Variants in NRXN2 observed in about 807,000 individuals in gnomAD.
The protein encoded by NRXN2 is neurexin 2.
A neutral mutation model predicts 128.8 loss-of-function variants in NRXN2; 29 were observed. The ratio of observed to expected loss-of-function variants is 0.23; its 90% CI spans 0.17 to 0.31. The LOEUF (loss-of-function observed/expected upper bound fraction) is 0.31. NRXN2 is among the 10% of genes least tolerant of loss of function. The pLI is 1.00. For synonymous variants in NRXN2, 1,098 were observed against 1,075.2 expected, an observed-to-expected ratio of 1.02 and a Z score of -0.41; for missense variants, 1,881 against 2,452.6, an observed-to-expected ratio of 0.77 and a Z score of 4.92.
intron 3 of NRXN2, among the ~76,000 whole-genome samples, chr11:64,694,928 C>A (rs1208208909): frequency 3.9e-5 from 6 of 152,112 alleles, no homozygotes; most frequent in African/African-American, 1.4e-4. Flanking sequence ...CTGGAGGAAG[C>A]CACATCTCCC....
chr11:64,672,902 T>C (rs1364907182), intron 7 of NRXN2, among the ~76,000 whole-genome samples: 1 of 152,148 alleles, frequency 6.6e-6, no homozygotes, highest in Admixed American at 6.5e-5. Flanking sequence ...ATTTGATAGT[T>C]TGGGAATAGA....
At chr11:64,650,134 T>A (rs193098583) in intron 15 of NRXN2, among the ~76,000 whole-genome samples, 4 of 152,146 alleles carry the variant, frequency 2.6e-5, no homozygotes, top group African/African-American at 9.6e-5. Context: ...CAACATAGGC[T>A]TCTCAACCTT....
Position 64,660,231 on chromosome 11 carries a change from A to G in NRXN2, c.2389+101T>C. On this transcript the variant is annotated intron_variant, in intron 11 of 22. Coordinates refer to ENST00000265459, the MANE Select transcript of NRXN2 (RefSeq NM_015080.4). This position sits in a 1 kb window ranked among gnomAD's most constrained non-coding sequence, Gnocchi z 5.2. ...CCCACCTCCAAACTCTGCTGAGGGC[A>G]CCTCTTGCTGGTGCCACCACCAGCT... 2 of 1,333,464 alleles carry G rather than the reference A, an allele frequency of 1.5e-6. No individual in the cohort carries two copies. Among genetic ancestry groups the G allele is most frequent in the Non-Finnish European group, 2.2e-6 (2 of 928,930 alleles). 82.6% of individuals were successfully genotyped at this position (1,333,464 alleles called of 1,614,324 possible). A position where few individuals can be genotyped will look rare whatever the true frequency, so the allele number is the denominator to read the frequency against.
chr11:64,608,057 G>A lies in NRXN2; in HGVS notation c.4278C>T (p.Ile1426=). 1 of 1,583,744 alleles carries A rather than the reference G, an allele frequency of 6.3e-7. No individual in the cohort carries two copies. The change falls in exon 23 of 23, where the codon ATC becomes ATT. Residue 1426 remains isoleucine (I), a synonymous_variant. Coordinates refer to ENST00000265459, the MANE Select transcript of NRXN2 (RefSeq NM_015080.4). ...GAGGGGGGTCTAAGGAGTCCTCCGT[G>A]ATAATGGGCAATATTAACTCTCCTC... ...STGGELILPI[I]TEDSLDPPPV... is the part of the protein sequence containing the mutation.
rs568699443 is a variant in NRXN2, at chr11:64,660,235, C to T, written c.2389+97G>A. 1,084 of 1,391,838 alleles carry T rather than the reference C, an allele frequency of 7.8e-4. 2 individuals carry two copies. The highest frequency in any genetic ancestry group is 1.1e-3 in the Non-Finnish European group (1,058 of 981,338). 86.2% of individuals were successfully genotyped at this position (1,391,838 alleles called of 1,614,324 possible). A position where few individuals can be genotyped will look rare whatever the true frequency, so the allele number is the denominator to read the frequency against. On this transcript the variant is annotated intron_variant, in intron 11 of 22. Transcript: ENST00000265459. This position sits in a 1 kb window ranked among gnomAD's most constrained non-coding sequence, Gnocchi z 5.2. ...CCTCCAAACTCTGCTGAGGGCACCT[C>T]TTGCTGGTGCCACCACCAGCTTCTC... is the stretch of plus-strand genomic sequence containing the variant.
intron 17 of NRXN2, chr11:64,642,729 A>AGGC: frequency 7.0e-7 from 1 of 1,430,342 alleles, no homozygotes; most frequent in Non-Finnish European, 9.2e-7. Context: ...GCGGCGGTGG[A>AGGC]GGCGGCGGCA....
chr11:64,685,675 C>G lies in NRXN2; in HGVS notation c.1123G>C (p.Asp375His), dbSNP rs751415381. 6.2e-7 allele frequency: 1 copy of G among 1,614,220 alleles called. No individual in the cohort carries two copies. The highest frequency in any genetic ancestry group is 1.1e-5 in the South Asian group (1 of 91,072). Residue 375 changes from aspartate to histidine, a missense_variant, in exon 6 of 23, where the codon GAC becomes CAC. Transcript: ENST00000265459. ...NGKFNDNAWH[D>H]VRVTRNLRQH... The stretch of plus-strand genomic sequence containing the variant: ...CGCAGGTTTCGGGTGACCCGGACGT[C>G]GTGCCAGGCGTTGTCGTTGAACTTG...
At chr11:64,718,609 G>C (rs1019969426) in intron 1 of NRXN2, among the ~76,000 whole-genome samples, 23 of 152,212 alleles carry the variant, frequency 1.5e-4, no homozygotes, top group Non-Finnish European at 2.9e-4. Context: ...CGTCTGTGGG[G>C]GTGTTCGAGG....
At chr11:64,717,721 C>T (rs61884449) in intron 1 of NRXN2, among the ~76,000 whole-genome samples, 23,537 of 152,248 alleles carry the variant, frequency 0.15, 1,912 homozygotes, top group South Asian at 0.19. Flanking sequence ...ACCCCATGTG[C>T]GCTGTCTTAG....
chr11:64,706,077 T>A lies in NRXN2; in HGVS notation c.730+6893A>T, dbSNP rs866259491. On this transcript the variant is annotated intron_variant, in intron 2 of 22. Coordinates refer to ENST00000265459, the MANE Select transcript of NRXN2 (RefSeq NM_015080.4). ...AGTACAGCACTTTTATATATATATA[T>A]AATATATATAATATATATTATATAT... 3.5e-4 allele frequency among the ~76,000 whole-genome samples: 20 copies of A among 57,406 alleles called. No individual in the cohort carries two copies. The South Asian group carries it at 4.4e-3, about 12-fold the overall frequency. 37.7% of individuals were successfully genotyped at this position (57,406 alleles called of 152,430 possible).
rs1426261124 is a variant in NRXN2 at position 64,630,358 on chromosome 11, C to G, written c.3757+44G>C. 7.6e-6 allele frequency: 12 copies of G among 1,580,358 alleles called. No individual in the cohort carries two copies. The Admixed American group carries it at 2.1e-4, about 27-fold the overall frequency. On this transcript the variant is annotated intron_variant, in intron 19 of 22. Transcript: ENST00000265459. This position sits in a 1 kb window ranked among gnomAD's most constrained non-coding sequence, Gnocchi z 4.6. ...GCCGCACTCCTATCAGAGGCCGCCACCCGCCCCGCCACCGCGCCTCCTCCG... is the reference window on the plus strand; with the variant it reads ...GCCGCACTCCTATCAGAGGCCGCCAGCCGCCCCGCCACCGCGCCTCCTCCG...
Position 64,652,031 on chromosome 11 carries a change from C to T in NRXN2, c.2536+4G>A. The stretch of plus-strand genomic sequence containing the variant: ...GTCCACCTCCCTGGGCCCAGACCAC[C>T]TACCCTCCACAGTCACGTTGTCCAC... On this transcript the variant is annotated splice_donor_region_variant and intron_variant, in intron 13 of 22. Coordinates refer to ENST00000265459, the MANE Select transcript of NRXN2 (RefSeq NM_015080.4). 1 of 1,611,442 alleles carries T rather than the reference C, an allele frequency of 6.2e-7. No individual in the cohort carries two copies. The highest frequency in any genetic ancestry group is 8.5e-7 in the Non-Finnish European group (1 of 1,179,962).
chr11:64,688,320 G>A lies in NRXN2; in HGVS notation c.850+2085C>T, dbSNP rs1459728786. On this transcript the variant is annotated intron_variant, in intron 5 of 22. Transcript: ENST00000265459. ...CGGAGACCTGGGTCAGCCCAGAGAC[G>A]CCAAGAGGCCTGAGGAGCAGCCAAA... 3.0e-6 allele frequency: 3 copies of A among 985,290 alleles called. No individual in the cohort carries two copies. In the African/African-American group the frequency reaches 5.2e-5, roughly 17 times the overall value. The allele number at this position is 985,290 out of a possible 1,614,324, so 61.0% of individuals were successfully genotyped here. A position where few individuals can be genotyped will look rare whatever the true frequency, so the allele number is the denominator to read the frequency against.
chr11:64,660,332 C>T lies in NRXN2; in HGVS notation c.2389G>A (p.Asp797Asn), dbSNP rs143678285. Residue 797 changes from aspartate to asparagine, a missense_variant and splice_region_variant, in exon 11 of 23, where the codon GAC (aspartate) becomes AAC (asparagine). Coordinates refer to ENST00000265459, the MANE Select transcript of NRXN2 (RefSeq NM_015080.4). This position sits in a 1 kb window ranked among gnomAD's most constrained non-coding sequence, Gnocchi z 5.2. ...AGGAAGCACAGGGCAGGGTGGTTAC[C>T]GAGGTTGACAGTGAGCTTCATCTGC... ...GGQMKLTVNL[D>N]CLRVGCAPSK... 2.5e-6 allele frequency: 4 copies of T among 1,613,126 alleles called. No individual in the cohort carries two copies. Among genetic ancestry groups the T allele is most frequent in the Non-Finnish European group, 3.4e-6 (4 of 1,179,872 alleles).
chr11:64,668,338 AG>A, intron 8 of NRXN2, 104 bp downstream of exon 8: 11 of 1,431,838 alleles, frequency 7.7e-6, no homozygotes, highest in Non-Finnish European at 9.6e-6. Flanking sequence ...TGGACTTGGA[AG>A]GAACAGATGA....
intron 2 of NRXN2, among the ~76,000 whole-genome samples, chr11:64,705,590 C>G (rs2056159663): frequency 6.6e-6 from 1 of 152,044 alleles, no homozygotes; most frequent in Non-Finnish European, 1.5e-5. Flanking sequence ...TCCTTGGCCA[C>G]TTCATCTGAT....
chr11:64,702,380 A>G (rs1219646185), intron 2 of NRXN2, among the ~76,000 whole-genome samples: 2 of 152,078 alleles, frequency 1.3e-5, no homozygotes, highest in Admixed American at 6.5e-5. Flanking sequence ...TGGGGAAAAG[A>G]TTGAGAAATC....
intron 2 of NRXN2, chr11:64,712,692 C>G: frequency 3.2e-6 from 2 of 620,090 alleles, no homozygotes; most frequent in Non-Finnish European, 6.2e-6. Context: ...CCTCAGCAGC[C>G]CCTTCAGAAC....
chr11:64,668,523 A>C lies in NRXN2; in HGVS notation c.1279T>G (p.Phe427Val). The C allele has an allele frequency of 5.0e-6, 8 of 1,614,126 alleles. No homozygotes were observed. The highest frequency in any genetic ancestry group is 6.8e-6 in the Non-Finnish European group (8 of 1,180,028). ...GTGTTGGGGCTGCCCCCAATGTAGA[A>C]GAAGTCATCAGAGCCCAGCATGGTG... ...DYTMLGSDDF[F>V]YIGGSPNTAD... The change falls in exon 8 of 23, where the codon TTC (phenylalanine) becomes GTC (valine). Residue 427 changes from phenylalanine (F) to valine (V), a missense_variant. Around this residue, in one of 7 missense-constraint regions of NRXN2, gnomAD observed 997 missense variants for 1,240.8 expected, o/e 0.80. Transcript: ENST00000265459.
Sources: allele counts gnomAD v4.1 joint callset (sites outside exome capture counted in the v4.1 genomes callset), GRCh38; gene constraint gnomAD v4.1.1; regional missense constraint gnomAD v4.1.1; non-coding constraint Gnocchi (gnomAD v3.1); transcripts MANE v1.5; gene names NCBI Gene and HGNC (gene_info 2026-07-23, HGNC 2026-07-21).